MEIOSIN: variants seen among roughly 807,000 people sequenced by gnomAD.
The protein encoded by MEIOSIN is meiosis initiator protein.
In MEIOSIN, 18 loss-of-function variants were observed where a neutral mutation model predicts 23.4. The observed-to-expected ratio is 0.77, with a 90% CI of 0.53 to 1.14. The LOEUF is 1.14. MEIOSIN is among the 50% of genes most tolerant of loss of function. MEIOSIN has a pLI of 0.00. For synonymous variants in MEIOSIN, 187 were observed against 100.6 expected (o/e 1.86, Z -5.14); for missense variants, 428 against 242.9 (o/e 1.76, Z -5.07).
chr19:45,764,252 A>T lies in MEIOSIN; in HGVS notation c.*134A>T. The stretch of plus-strand genomic sequence containing the variant: ...GAATGCAGGTCCCATGGGACTGGGG[A>T]GGGGGGCACTGATTAGCCCCAACCG... On this transcript the variant is annotated 3_prime_UTR_variant, in exon 15 of 15. Coordinates refer to ENST00000457052, the MANE Select transcript of MEIOSIN (RefSeq NM_001310124.2). 1 of 397,446 alleles carries T rather than the reference A, an allele frequency of 2.5e-6. No individual in the cohort carries two copies. The allele number at this position is 397,446 out of a possible 1,614,324, so 24.6% of individuals were successfully genotyped here. A position where few individuals can be genotyped will look rare whatever the true frequency, so the allele number is the denominator to read the frequency against.
At chr19:45,763,548 G>A (rs977416450) in intron 14 of MEIOSIN, 121 bp downstream of exon 14, 10 of 397,418 alleles carry the variant, frequency 2.5e-5, no homozygotes, top group African/African-American at 8.2e-5. Context: ...AGGAATTTGC[G>A]TGTTGCCCCT....
chr19:45,761,870 G>A lies in MEIOSIN; in HGVS notation c.1434+3G>A, dbSNP rs1007600910. On this transcript the variant is annotated splice_donor_region_variant and intron_variant, in intron 12 of 14. Transcript: ENST00000457052. ...AGCCCCTGTGGAAGCAGCGAGAGGT[G>A]AGAGACACGGCCGCATGCCAGGGCC... The A allele has an allele frequency of 9.2e-6, 6 of 651,936 alleles. No homozygotes were observed. The highest frequency in any genetic ancestry group is 2.8e-5 in the East Asian group (1 of 36,282). The allele number at this position is 651,936 out of a possible 1,614,324, so 40.4% of individuals were successfully genotyped here.
chr19:45,755,157 T>C (rs1968798156), intron 7 of MEIOSIN, among the ~76,000 whole-genome samples: 1 of 151,314 alleles, frequency 6.6e-6, no homozygotes, highest in Admixed American at 6.6e-5. Context: ...TTTCTTTTTT[T>C]TTTTTTTTTT....
chr19:45,754,393 C>A (rs1420095885), intron 6 of MEIOSIN, 86 bp from the exon 7 acceptor site: 1 of 630,928 alleles, frequency 1.6e-6, no homozygotes, highest in East Asian at 2.7e-5. Flanking sequence ...TTGACACTGA[C>A]AAGGATGTTT....
chr19:45,745,362 G>T (rs1169452632), intron 4 of MEIOSIN, 41 bp downstream of exon 4: 1 of 688,530 alleles, frequency 1.5e-6, no homozygotes, highest in Non-Finnish European at 2.6e-6. Flanking sequence ...TGGGACGCAG[G>T]TCTTTAAATA....
intron 3 of MEIOSIN, among the ~76,000 whole-genome samples, chr19:45,740,092 G>T (rs1159557041): frequency 6.6e-6 from 1 of 152,128 alleles, no homozygotes; most frequent in Admixed American, 6.6e-5. Context: ...CAGGTGATCT[G>T]CCTGCCTTGG....
At chr19:45,762,309 G>A (rs1043929743) in intron 13 of MEIOSIN, 126 bp downstream of exon 13, 4 of 398,098 alleles carry the variant, frequency 1.0e-5, no homozygotes, top group Non-Finnish European at 1.8e-5. Flanking sequence ...CAAACCCTTC[G>A]TGGACCACAG....
chr19:45,754,137 C>T (rs1395796885), intron 6 of MEIOSIN, among the ~76,000 whole-genome samples: 1 of 152,150 alleles, frequency 6.6e-6, no homozygotes, highest in Non-Finnish European at 1.5e-5. Flanking sequence ...CCACCATGCT[C>T]AGCTAATTTT....
intron 3 of MEIOSIN, among the ~76,000 whole-genome samples, chr19:45,740,170 A>G (rs1291329590): frequency 6.6e-6 from 1 of 152,150 alleles, no homozygotes; most frequent in African/African-American, 2.4e-5. Context: ...TTGAACTAAC[A>G]TTTCATGAAC....
intron 4 of MEIOSIN, among the ~76,000 whole-genome samples, chr19:45,749,537 C>T (rs970166455): frequency 2.7e-5 from 4 of 150,122 alleles, no homozygotes; most frequent in Admixed American, 6.7e-5. Flanking sequence ...ATTAGCGAGG[C>T]GTGGTGGAGG....
intron 1 of MEIOSIN, among the ~76,000 whole-genome samples, chr19:45,734,760 C>T (rs1968382505): frequency 6.6e-6 from 1 of 150,918 alleles, no homozygotes; most frequent in Non-Finnish European, 1.5e-5. Context: ...CTGCCTTGGC[C>T]TCCCAAAGTG....
chr19:45,752,093 G>A (rs1295698019), intron 5 of MEIOSIN, among the ~76,000 whole-genome samples: 1 of 143,410 alleles, frequency 7.0e-6, no homozygotes, highest in Non-Finnish European at 1.5e-5. Context: ...CTGGAATGCA[G>A]TGGCATGATC....
intron 4 of MEIOSIN, among the ~76,000 whole-genome samples, chr19:45,746,342 T>C (rs191857767): frequency 6.6e-6 from 1 of 152,298 alleles, no homozygotes; most frequent in Admixed American, 6.5e-5. Context: ...GTTTCCTTTC[T>C]TTTTGCCAAC....
intron 1 of MEIOSIN, among the ~76,000 whole-genome samples, chr19:45,734,889 GTTTGTT>G (rs1463044700): frequency 6.6e-6 from 1 of 151,134 alleles, no homozygotes; most frequent in Non-Finnish European, 1.5e-5. Context: ...AGGTTTAGGG[GTTTGTT>G]TTTGTTTTTG....
chr19:45,757,815 C>T (rs946243432), intron 9 of MEIOSIN, among the ~76,000 whole-genome samples: 1 of 152,006 alleles, frequency 6.6e-6, no homozygotes, highest in African/African-American at 2.4e-5. Flanking sequence ...ACCACCCCTC[C>T]GAACTCTTTT....
chr19:45,740,771 A>G (rs1399909031), intron 3 of MEIOSIN, among the ~76,000 whole-genome samples: 3 of 143,624 alleles, frequency 2.1e-5, no homozygotes, highest in East Asian at 2.0e-4. Flanking sequence ...TAATAATAAT[A>G]ATAATAATAA....
chr19:45,750,360 CTT>C (rs11295860), intron 4 of MEIOSIN, among the ~76,000 whole-genome samples: 1,507 of 98,430 alleles, frequency 0.015, 32 homozygotes, highest in African/African-American at 0.052. Context: ...TTTTCTTTTT[CTT>C]TTTTTTTTTT....
At chr19:45,759,601 C>T in intron 11 of MEIOSIN, 111 bp downstream of exon 11, 1 of 654,344 alleles carries the variant, frequency 1.5e-6, no homozygotes, top group South Asian at 1.6e-5. Context: ...CCACCATCTA[C>T]CCATCTGTCC....
intron 6 of MEIOSIN, among the ~76,000 whole-genome samples, 157 bp from the exon 7 acceptor site, chr19:45,754,322 G>T (rs1271307092): frequency 6.6e-6 from 1 of 152,178 alleles, no homozygotes; most frequent in African/African-American, 2.4e-5. Context: ...GTGGACAGGG[G>T]TTGAACAAAG....
Sources: gnomAD v4.1 joint callset for allele counts (sites outside exome capture counted in the v4.1 genomes callset) on GRCh38, gnomAD v4.1.1 for gene constraint, MANE v1.5 for transcripts, NCBI Gene and HGNC (gene_info 2026-07-23, HGNC 2026-07-21) for gene names.